Variants in PTPRD observed in about 807,000 individuals in gnomAD.
PTPRD encodes the protein protein tyrosine phosphatase receptor type D.
A neutral mutation model predicts 214.5 loss-of-function variants in PTPRD; 34 were observed. The observed-to-expected ratio is 0.16, with a 90% CI of 0.12 to 0.21. PTPRD has a LOEUF of 0.21. Among genes scored for constraint, PTPRD ranks in the 10% least tolerant of loss-of-function variants. The pLI is 1.00. For missense variants in PTPRD, 2,545 were observed against 2,398.7 expected, an observed-to-expected ratio of 1.06 and a Z score of -1.27; for synonymous variants, 1,128 against 845.7, an observed-to-expected ratio of 1.33 and a Z score of -5.79.
intron 2 of PTPRD, among the ~76,000 whole-genome samples, chr9:10,362,449 G>A (rs1181244881): frequency 6.6e-6 from 1 of 151,538 alleles, no homozygotes; most frequent in Non-Finnish European, 1.5e-5. Flanking sequence ...TCTGGGCAAA[G>A]CTATACAACA....
chr9:8,379,572 A>G (rs998846674), intron 37 of PTPRD, among the ~76,000 whole-genome samples: 1 of 152,222 alleles, frequency 6.6e-6, no homozygotes, highest in African/African-American at 2.4e-5. Context: ...ATTAGCCAGT[A>G]TAAATGAACT....
At chr9:9,469,734 C>G (rs184512520) in intron 8 of PTPRD, among the ~76,000 whole-genome samples, 1 of 152,046 alleles carries the variant, frequency 6.6e-6, no homozygotes, top group African/African-American at 2.4e-5. Context: ...TTTTAAAATG[C>G]CTGAATCTCT....
chr9:8,346,895 T>G (rs2073981523), intron 39 of PTPRD, among the ~76,000 whole-genome samples: 1 of 152,160 alleles, frequency 6.6e-6, no homozygotes, highest in African/African-American at 2.4e-5. Context: ...AATTCATGAT[T>G]GTTCTGCTGT....
At chr9:8,649,739 A>G (rs1364189970) in intron 12 of PTPRD, among the ~76,000 whole-genome samples, 6 of 152,264 alleles carry the variant, frequency 3.9e-5, no homozygotes, top group African/African-American at 1.4e-4. Flanking sequence ...GATTAATTAT[A>G]GAATAGAGTT....
At chr9:9,965,016 A>T (rs2154029725) in intron 4 of PTPRD, among the ~76,000 whole-genome samples, 1 of 152,310 alleles carries the variant, frequency 6.6e-6, no homozygotes, top group South Asian at 2.1e-4. Context: ...TTTTGGTATT[A>T]GGACTCTTAT....
At chr9:10,369,008 TA>T (rs930462390) in intron 2 of PTPRD, among the ~76,000 whole-genome samples, 61 of 151,986 alleles carry the variant, frequency 4.0e-4, no homozygotes, top group African/African-American at 9.6e-4. Context: ...GTGTTTTTTT[TA>T]ATTATGTTTG....
At chr9:10,195,278 A>G (rs1368101246) in intron 3 of PTPRD, among the ~76,000 whole-genome samples, 1 of 152,106 alleles carries the variant, frequency 6.6e-6, no homozygotes, top group Non-Finnish European at 1.5e-5. Context: ...TCATTTGGAA[A>G]AGGAAGGTAA....
intron 8 of PTPRD, among the ~76,000 whole-genome samples, chr9:9,485,587 C>A (rs955359563): frequency 6.6e-6 from 1 of 152,106 alleles, no homozygotes; most frequent in African/African-American, 2.4e-5. Context: ...TAGTCTCTTA[C>A]TTAACAAAGA....
chr9:9,923,187 C>T (rs1314810651), intron 5 of PTPRD, among the ~76,000 whole-genome samples: 1 of 149,144 alleles, frequency 6.7e-6, no homozygotes, highest in African/African-American at 2.5e-5. Flanking sequence ...CAAATGTTAA[C>T]TCTACAGATA....
chr9:8,847,732 T>G (rs1457555129), intron 11 of PTPRD, among the ~76,000 whole-genome samples: 1 of 133,194 alleles, frequency 7.5e-6, no homozygotes, highest in Non-Finnish European at 1.5e-5. Flanking sequence ...GAGAAGAGGC[T>G]AAACTATTAT....
At chr9:10,338,740 T>C (rs976409663) in intron 3 of PTPRD, among the ~76,000 whole-genome samples, 2 of 151,694 alleles carry the variant, frequency 1.3e-5, no homozygotes, top group African/African-American at 4.8e-5. Flanking sequence ...AGAACTCTAA[T>C]GGCAAAGGCA....
intron 3 of PTPRD, among the ~76,000 whole-genome samples, chr9:10,214,256 G>T (rs2099530321): frequency 6.6e-6 from 1 of 151,596 alleles, no homozygotes; most frequent in Non-Finnish European, 1.5e-5. Flanking sequence ...TTCTTCATTT[G>T]CAATTAATTC....
chr9:8,993,380 C>A (rs1217754375), intron 11 of PTPRD, among the ~76,000 whole-genome samples: 2 of 152,072 alleles, frequency 1.3e-5, no homozygotes, highest in African/African-American at 4.8e-5. Flanking sequence ...ATGTATACAG[C>A]AAACTATAGC....
In PTPRD at chr9:10,137,649, T is replaced by C. The variant is rs1296575807; in HGVS notation, c.-544-103859A>G. On this transcript the variant is annotated intron_variant, in intron 3 of 45. Coordinates refer to ENST00000381196, the MANE Select transcript of PTPRD (RefSeq NM_002839.4). The stretch of plus-strand genomic sequence containing the variant: ...CGCACCAGCATGGCACATGTATACA[T>C]ATGTAACTAACCTGCACAATGTGCA... Among the ~76,000 whole-genome samples, 5 of 72,210 alleles carry C rather than the reference T, an allele frequency of 6.9e-5. 1 individual carries two copies. Among genetic ancestry groups the C allele is most frequent in the Non-Finnish European group, 1.2e-4 (5 of 40,222 alleles). 47.4% of individuals were successfully genotyped at this position (72,210 alleles called of 152,430 possible).
intron 9 of PTPRD, among the ~76,000 whole-genome samples, chr9:9,194,543 T>C (rs2099937113): frequency 6.6e-6 from 1 of 152,124 alleles, no homozygotes; most frequent in Admixed American, 6.6e-5. Context: ...CATTATAATC[T>C]CATGGGACCA....
intron 2 of PTPRD, among the ~76,000 whole-genome samples, chr9:10,606,477 C>T (rs2079397825): frequency 6.6e-6 from 1 of 151,448 alleles, no homozygotes; most frequent in African/African-American, 2.4e-5. Flanking sequence ...TCGTAAGTGG[C>T]CTACACTGGT....
intron 3 of PTPRD, among the ~76,000 whole-genome samples, chr9:10,194,337 TATATATATAGAGAGAGAG>T (rs1432028281): frequency 1.8e-4 from 13 of 70,630 alleles, no homozygotes; most frequent in South Asian, 5.9e-4. Context: ...TATATATATA[TATATATATAGAGAGAGAG>T]AGAGAGAGAG....
intron 19 of PTPRD, among the ~76,000 whole-genome samples, chr9:8,522,909 T>C (rs996294744): frequency 2.6e-5 from 4 of 152,146 alleles, no homozygotes; most frequent in African/African-American, 7.2e-5. Flanking sequence ...AGTAATTCTG[T>C]CTGAAAACTT....
intron 9 of PTPRD, among the ~76,000 whole-genome samples, chr9:9,300,871 G>A (rs1001965318): frequency 1.3e-5 from 2 of 151,798 alleles, no homozygotes; most frequent in Admixed American, 6.6e-5. Flanking sequence ...AGGGGTACTT[G>A]CTTTAATCTT....
Sources: gnomAD v4.1 joint callset for allele counts (sites outside exome capture counted in the v4.1 genomes callset) on GRCh38, gnomAD v4.1.1 for gene constraint, MANE v1.5 for transcripts, NCBI Gene and HGNC (gene_info 2026-07-23, HGNC 2026-07-21) for gene names.